Variants in RPS13 observed in about 807,000 individuals in gnomAD.
The protein encoded by RPS13 is ribosomal protein S13.
RPS13 carries 1 observed loss-of-function variant against 24.6 expected under a neutral mutation model. The ratio of observed to expected loss-of-function variants is 0.04; its 90% CI spans 0.01 to 0.19. The LOEUF (loss-of-function observed/expected upper bound fraction) is 0.19, where lower values mean the gene tolerates loss of function less well. RPS13 is among the 10% of genes least tolerant of loss of function. The probability of loss-of-function intolerance (pLI) is 1.00; values close to 1 mark genes in which losing one functional copy is unlikely to be tolerated. For synonymous variants in RPS13, 69 were observed against 65.3 expected (o/e 1.06, Z -0.27); for missense variants, 88 against 187.4 (o/e 0.47, Z 3.10).
intron 3 of RPS13, chr11:17,076,323 G>A: frequency 4.3e-6 from 1 of 233,268 alleles, no homozygotes; most frequent in South Asian, 4.0e-5. Context: ...CCAGGAGGCG[G>A]AGGTTGCAGT....
At chr11:17,077,101 C>T (rs1848034213) in intron 3 of RPS13, 67 bp downstream of exon 3, 6 of 1,200,152 alleles carry the variant, frequency 5.0e-6, no homozygotes, top group Non-Finnish European at 7.4e-6. Flanking sequence ...ATAACTTTAC[C>T]ACCTACTAGA....
intron 5 of RPS13, chr11:17,074,789 T>C: frequency 1.5e-6 from 1 of 661,338 alleles, no homozygotes. Context: ...AGTAGAGGTA[T>C]GAAAGGAAAA....
In RPS13 at chr11:17,075,186, A is replaced by T. The variant is rs1848007932; in HGVS notation, c.333T>A (p.Ala111=). Residue 111 remains alanine, a synonymous_variant, in exon 5 of 6, where the codon GCT becomes GCA. Transcript: ENST00000525634. ...HLERNRKDKD[A]KFRLILIESR... ...TCTCTATTAGAATCAGACGGAATTT[A>T]GCATCCTTATCCTAAAAATAAAATT... 6.2e-7 allele frequency: 1 copy of T among 1,601,314 alleles called. No individual in the cohort carries two copies. Among genetic ancestry groups the T allele is most frequent in the African/African-American group, 1.3e-5 (1 of 74,128 alleles).
At chr11:17,076,125 C>T (rs376624330) in intron 3 of RPS13, 1 of 249,488 alleles carries the variant, frequency 4.0e-6, no homozygotes. Flanking sequence ...GTGTGGCTCA[C>T]GCCTGTAATC....
chr11:17,075,777 G>A (rs567911470), intron 3 of RPS13, 154 bp from the exon 4 acceptor site: 3 of 710,008 alleles, frequency 4.2e-6, no homozygotes, highest in Admixed American at 2.0e-5. Context: ...TGCACATAAA[G>A]CTCACTCAGA....
chr11:17,075,641 T>C lies in RPS13; in HGVS notation c.152-18A>G, dbSNP rs181520834. ...GATTACACCTGAAAAGGGAATCACG[T>C]TTTAACTTTCAACACGAAACACAAA... is the stretch of plus-strand genomic sequence containing the variant. On this transcript the variant is annotated intron_variant, in intron 3 of 5. Transcript: ENST00000525634. 2 of 1,578,796 alleles carry C rather than the reference T, an allele frequency of 1.3e-6. No individual in the cohort carries two copies. Among genetic ancestry groups the C allele is most frequent in the African/African-American group, 2.7e-5 (2 of 73,614 alleles).
rs1250055130 is a variant in RPS13 at position 17,074,685 on chromosome 11, C to T, written c.423-219G>A. 3 of 703,022 alleles carry T rather than the reference C, an allele frequency of 4.3e-6. No homozygotes were observed. In the South Asian group the frequency reaches 4.5e-5, roughly 11 times the overall value. The allele number at this position is 703,022 out of a possible 1,614,324, so 43.5% of individuals were successfully genotyped here. A position where few individuals can be genotyped will look rare whatever the true frequency, so the allele number is the denominator to read the frequency against. On this transcript the variant is annotated intron_variant, in intron 5 of 5. Coordinates refer to ENST00000525634, the MANE Select transcript of RPS13 (RefSeq NM_001017.3). ...AGACATCCAAGGAAGAACTGGCCAACATAAGGAAAAACATTTCTGGTGGAA... is the reference window on the plus strand; with the variant it reads ...AGACATCCAAGGAAGAACTGGCCAATATAAGGAAAAACATTTCTGGTGGAA...
intron 1 of RPS13, 34 bp downstream of exon 1, chr11:17,077,585 C>G: frequency 6.6e-6 from 4 of 609,714 alleles, no homozygotes; most frequent in Non-Finnish European, 1.2e-5. Context: ...TCCCACCCCC[C>G]GCCCAGCAAT....
At chr11:17,075,906 AT>A in intron 3 of RPS13, 1 of 536,422 alleles carries the variant, frequency 1.9e-6, no homozygotes. Context: ...GATTAATGAG[AT>A]TCCACAGCTA....
In RPS13 at chr11:17,077,610, C is replaced by G. The variant is rs1412146769; in HGVS notation, c.23+9G>C. 6 of 1,496,458 alleles carry G rather than the reference C, an allele frequency of 4.0e-6. No individual in the cohort carries two copies. Among genetic ancestry groups the G allele is most frequent in the East Asian group, 2.8e-5 (1 of 35,172 alleles). The allele number at this position is 1,496,458 out of a possible 1,614,324, so 92.7% of individuals were successfully genotyped here. ...CGCCCAGCAATCCGGCTTGATGCCCCGAGCTCACCCGGGAGCATGCATGCG... is the reference window on the plus strand; with the variant it reads ...CGCCCAGCAATCCGGCTTGATGCCCGGAGCTCACCCGGGAGCATGCATGCG... On this transcript the variant is annotated intron_variant, in intron 1 of 5. Transcript: ENST00000525634.
intron 3 of RPS13, 126 bp from the exon 4 acceptor site, chr11:17,075,749 C>A (rs776944961): frequency 7.6e-5 from 58 of 758,708 alleles, no homozygotes; most frequent in Admixed American, 3.1e-4. Flanking sequence ...TTATACATCA[C>A]AGAAACCAAC....
chr11:17,075,248 C>A, intron 4 of RPS13, 51 bp from the exon 5 acceptor site: 1 of 1,232,472 alleles, frequency 8.1e-7, no homozygotes, highest in Non-Finnish European at 1.2e-6. Flanking sequence ...AATGACCTAA[C>A]ATTATCAAAC....
In RPS13 at chr11:17,074,480, AAG is replaced by A. The variant is rs777496390; in HGVS notation, c.423-16_423-15del. ...GTAGATGATTCACTGAAAAAGAAAAAAGGGGAAAGAAAGAAAATCAGGATTAA... is the reference window on the plus strand; with the variant it reads ...GTAGATGATTCACTGAAAAAGAAAAAGGGAAAGAAAGAAAATCAGGATTAA... On this transcript the variant is annotated splice_polypyrimidine_tract_variant and intron_variant, in intron 5 of 5. Coordinates refer to ENST00000525634, the MANE Select transcript of RPS13 (RefSeq NM_001017.3). 4.9e-5 allele frequency: 79 copies of A among 1,607,488 alleles called. No homozygotes were observed. Among genetic ancestry groups the A allele is most frequent in the Non-Finnish European group, 6.0e-5 (70 of 1,174,494 alleles).
At position 17,075,536 on chromosome 11, in the gene RPS13, A is replaced by C. The variant is rs1848012674; in HGVS notation, c.239T>G (p.Leu80Arg). 1.9e-6 allele frequency: 3 copies of C among 1,607,014 alleles called. No individual in the cohort carries two copies. In the East Asian group the frequency reaches 6.7e-5, roughly 36 times the overall value. ...GAGATCTTCAGGAAGATCAGGAGCA[A>C]GTCCCTTAGACTTAAGAATTCTTAA... is the stretch of plus-strand genomic sequence containing the variant. ...KILRILKSKG[L>R]APDLPEDLYH... The change falls in exon 4 of 6, where the codon CTT becomes CGT. Residue 80 changes from leucine (L) to arginine (R), a missense_variant. Coordinates refer to ENST00000525634, the MANE Select transcript of RPS13 (RefSeq NM_001017.3).
At position 17,077,047 on chromosome 11, in the gene RPS13, G is replaced by T. The variant is rs570786158; in HGVS notation, c.151+121C>A. ...GTACATGTGAAGTGCTTACAATGAT[G>T]CCTCTAGCACGGTGGCGAGACCAGA... On this transcript the variant is annotated intron_variant, in intron 3 of 5. Transcript: ENST00000525634. 4.2e-5 allele frequency: 30 copies of T among 707,354 alleles called. No individual in the cohort carries two copies. In the Admixed American group the frequency reaches 4.3e-4, roughly 10 times the overall value. The allele number at this position is 707,354 out of a possible 1,614,324, so 43.8% of individuals were successfully genotyped here.
Position 17,077,419 on chromosome 11 carries a change from C to T in RPS13, c.72+10G>A. 6.2e-7 allele frequency: 1 copy of T among 1,604,384 alleles called. No homozygotes were observed. Among genetic ancestry groups the T allele is most frequent in the Non-Finnish European group, 8.5e-7 (1 of 1,173,784 alleles). On this transcript the variant is annotated intron_variant, in intron 2 of 5. Coordinates refer to ENST00000525634, the MANE Select transcript of RPS13 (RefSeq NM_001017.3). Reference sequence around the variant, plus strand: ...CCCCGGATTCTCCCCGGTCCCAGCGCGCTACTTACAGTGGGGACGCTGCGT... The same window carrying T: ...CCCCGGATTCTCCCCGGTCCCAGCGTGCTACTTACAGTGGGGACGCTGCGT...
In RPS13 at chr11:17,075,187, G is replaced by C. The variant is rs140723889; in HGVS notation, c.332C>G (p.Ala111Gly). The change falls in exon 5 of 6, where the codon GCT becomes GGT. Residue 111 changes from alanine (A) to glycine (G), a missense_variant. Coordinates refer to ENST00000525634, the MANE Select transcript of RPS13 (RefSeq NM_001017.3). ...HLERNRKDKD[A>G]KFRLILIESR... ...CTCTATTAGAATCAGACGGAATTTA[G>C]CATCCTTATCCTAAAAATAAAATTT... 6 of 1,598,854 alleles carry C rather than the reference G, an allele frequency of 3.8e-6. No homozygotes were observed. In the African/African-American group the frequency reaches 6.8e-5, roughly 18 times the overall value.
At chr11:17,077,374 G>A (rs1210107202) in intron 2 of RPS13, 55 bp downstream of exon 2, 11 of 1,593,232 alleles carry the variant, frequency 6.9e-6, no homozygotes, top group East Asian at 2.3e-5. Context: ...CGCTTCACCC[G>A]AGACAAATGC....
chr11:17,075,840 C>G (rs754765878), intron 3 of RPS13: 1 of 650,484 alleles, frequency 1.5e-6, no homozygotes, highest in Non-Finnish European at 2.8e-6. Context: ...GTGGAAACTG[C>G]GAATGTTGGA....
Sources: allele counts gnomAD v4.1 joint callset, GRCh38; gene constraint gnomAD v4.1.1; transcripts MANE v1.5; gene names NCBI Gene and HGNC (gene_info 2026-07-23, HGNC 2026-07-21).